FAM149B1: variants seen among roughly 807,000 people sequenced by gnomAD.
FAM149B1 encodes the protein primary cilium assembly protein FAM149B1.
Under a neutral mutation model 75.3 loss-of-function variants are expected in FAM149B1, and 56 were observed. That is an observed-to-expected ratio of 0.74 (90% confidence interval 0.60 to 0.93). FAM149B1 has a LOEUF of 0.93. FAM149B1 is among the 40% of genes least tolerant of loss of function. FAM149B1 has a pLI of 0.00. For synonymous variants in FAM149B1, 259 were observed against 256.1 expected (o/e 1.01, Z -0.11); for missense variants, 639 against 708.4 (o/e 0.90, Z 1.11).
In FAM149B1 at chr10:73,174,723, C is replaced by T; in HGVS notation, c.84C>T (p.Pro28=). 6.4e-7 allele frequency: 1 copy of T among 1,551,216 alleles called. No individual in the cohort carries two copies. Among genetic ancestry groups the T allele is most frequent in the Non-Finnish European group, 8.7e-7 (1 of 1,146,692 alleles). ...CAAAACATGCTCTTAACCATCATCC[C>T]CCTCCAGAGAAGCTGGAGGAAATTT... The part of the protein sequence containing the change: ...GITKHALNHH[P]PPEKLEEISP... The change falls in exon 2 of 14, where the codon CCC becomes CCT. Residue 28 remains proline (P), a synonymous_variant. Transcript: ENST00000242505.
Position 73,235,259 on chromosome 10 carries a change from C to T in FAM149B1, c.1543C>T (p.Gln515Ter). Residue 515 changes from glutamine (Q) to a stop codon, truncating the protein, a stop_gained, in exon 12 of 14, where the codon CAA (glutamine) becomes TAA (stop). Coordinates refer to ENST00000242505, the MANE Select transcript of FAM149B1 (RefSeq NM_173348.2). LOFTEE classifies it high-confidence loss of function. Reference protein sequence around the residue: ...VVDEPNYQQPQERLLLPDFFP... With the variant: ...VVDEPNYQQP ...GGATGAACCTAACTATCAGCAGCCA[C>T]AAGAAAGGCTCCTTTTGCCCGACTT... 1 of 1,552,036 alleles carries T rather than the reference C, an allele frequency of 6.4e-7. No individual in the cohort carries two copies. Among genetic ancestry groups the T allele is most frequent in the Non-Finnish European group, 8.7e-7 (1 of 1,147,050 alleles).
rs537623613 is a variant in FAM149B1 at position 73,211,421 on chromosome 10, T to C, written c.898+983T>C. On this transcript the variant is annotated intron_variant, in intron 7 of 13. Coordinates refer to ENST00000242505, the MANE Select transcript of FAM149B1 (RefSeq NM_173348.2). ...AAAAAAAACACCACTTTGGGTATTA[T>C]AAGAGTTTTAGGAGCTATGTGCCTC... Among the ~76,000 whole-genome samples the C allele has an allele frequency of 2.0e-5, 3 of 152,336 alleles. No homozygotes were observed. The East Asian group carries it at 5.8e-4, about 29-fold the overall frequency.
Position 73,168,173 on chromosome 10 carries a change from C to G in FAM149B1, c.-167C>G, listed in dbSNP as rs1377688094. ...TCGGAGGACTGGAGAGGTGGGGACC[C>G]TGGGGAGGTGGCTGCTCGGAGTCTA... On this transcript the variant is annotated 5_prime_UTR_variant, in exon 1 of 14. Coordinates refer to ENST00000242505, the MANE Select transcript of FAM149B1 (RefSeq NM_173348.2). 2.9e-6 allele frequency: 2 copies of G among 686,218 alleles called. No individual in the cohort carries two copies. Among genetic ancestry groups the G allele is most frequent in the South Asian group, 4.0e-5 (2 of 50,368 alleles). 42.5% of individuals were successfully genotyped at this position (686,218 alleles called of 1,614,324 possible). A position where few individuals can be genotyped will look rare whatever the true frequency, so the allele number is the denominator to read the frequency against.
chr10:73,194,555 G>A (rs966872673), intron 5 of FAM149B1, among the ~76,000 whole-genome samples: 3 of 151,956 alleles, frequency 2.0e-5, no homozygotes, highest in Non-Finnish European at 4.4e-5. Flanking sequence ...ACCATGCCCG[G>A]GATTTCACCA....
Position 73,174,720 on chromosome 10 carries a change from T to C in FAM149B1, c.81T>C (p.His27=). The change falls in exon 2 of 14, where the codon CAT becomes CAC. Residue 27 remains histidine (H), a synonymous_variant. Coordinates refer to ENST00000242505, the MANE Select transcript of FAM149B1 (RefSeq NM_173348.2). The part of the protein sequence containing the change: ...KGITKHALNH[H]PPPEKLEEIS... ...TAACAAAACATGCTCTTAACCATCA[T>C]CCCCCTCCAGAGAAGCTGGAGGAAA... 6.4e-7 allele frequency: 1 copy of C among 1,551,030 alleles called. No homozygotes were observed. Among genetic ancestry groups the C allele is most frequent in the Non-Finnish European group, 8.7e-7 (1 of 1,146,570 alleles).
chr10:73,241,305 G>A lies in FAM149B1; in HGVS notation c.*286G>A, dbSNP rs2043947028. On this transcript the variant is annotated 3_prime_UTR_variant, in exon 14 of 14. Coordinates refer to ENST00000242505, the MANE Select transcript of FAM149B1 (RefSeq NM_173348.2). ...AACAGTGAATAATACCCAAATCACT[G>A]CTCATGTTATCTCTTAACAATGATC... The A allele has an allele frequency of 2.6e-6, 1 of 390,466 alleles. No homozygotes were observed. The highest frequency in any genetic ancestry group is 3.7e-5 in the Admixed American group (1 of 27,032). The allele number at this position is 390,466 out of a possible 1,614,324, so 24.2% of individuals were successfully genotyped here. A position where few individuals can be genotyped will look rare whatever the true frequency, so the allele number is the denominator to read the frequency against.
intron 12 of FAM149B1, chr10:73,239,076 C>A (rs956219760): frequency 7.0e-6 from 3 of 428,876 alleles, no homozygotes; most frequent in African/African-American, 2.0e-5. Flanking sequence ...ATTTCCTTAA[C>A]GGCATAGTAA....
chr10:73,240,517 C>A (rs958764501), intron 13 of FAM149B1, among the ~76,000 whole-genome samples: 1 of 152,090 alleles, frequency 6.6e-6, no homozygotes, highest in Non-Finnish European at 1.5e-5. Context: ...TTGAGACCAT[C>A]CTGGCTAACA....
intron 3 of FAM149B1, among the ~76,000 whole-genome samples, chr10:73,179,865 G>T (rs565475093): frequency 6.6e-6 from 1 of 151,466 alleles, no homozygotes; most frequent in Non-Finnish European, 1.5e-5. Flanking sequence ...ACTCCACACT[G>T]GTCAATCTGA....
intron 5 of FAM149B1, among the ~76,000 whole-genome samples, chr10:73,205,970 C>G (rs2043045141): frequency 6.6e-6 from 1 of 152,170 alleles, no homozygotes; most frequent in Non-Finnish European, 1.5e-5. Flanking sequence ...GGGTAATGGG[C>G]AGATGTTGAA....
In FAM149B1 at chr10:73,236,468, T is replaced by C. The variant is rs138649568; in HGVS notation, c.1602+1150T>C. Among the ~76,000 whole-genome samples, 935 of 149,930 alleles carry C rather than the reference T, an allele frequency of 6.2e-3. 12 individuals are homozygous for C. The highest frequency in any genetic ancestry group is 0.022 in the African/African-American group (887 of 40,588). On this transcript the variant is annotated intron_variant, in intron 12 of 13. Coordinates refer to ENST00000242505, the MANE Select transcript of FAM149B1 (RefSeq NM_173348.2). Reference sequence around the variant, plus strand: ...TCGCTCTGTCACCTAGGGTGGAGTGTAATGGCGCAATCTCAGCTCACTGCA... The same window carrying C: ...TCGCTCTGTCACCTAGGGTGGAGTGCAATGGCGCAATCTCAGCTCACTGCA...
chr10:73,194,276 T>C (rs1045603856), intron 5 of FAM149B1, among the ~76,000 whole-genome samples: 14 of 152,268 alleles, frequency 9.2e-5, no homozygotes, highest in Admixed American at 9.2e-4. Context: ...TCCAAAAATA[T>C]GGACACTTCC....
At chr10:73,199,237 A>T (rs201040216) in intron 5 of FAM149B1, among the ~76,000 whole-genome samples, 3 of 110,582 alleles carry the variant, frequency 2.7e-5, no homozygotes, top group Admixed American at 9.4e-5. Context: ...GTTGTTGTTG[A>T]GATGGAGTCT....
At chr10:73,210,180 A>T in intron 6 of FAM149B1, 71 bp from the exon 7 acceptor site, 1 of 1,076,352 alleles carries the variant, frequency 9.3e-7, no homozygotes, top group Non-Finnish European at 1.3e-6. Flanking sequence ...TTCAGGTAAT[A>T]CACAGACAAT....
Position 73,203,606 on chromosome 10 carries a change from T to C in FAM149B1, c.543-5013T>C, listed in dbSNP as rs568520749. On this transcript the variant is annotated intron_variant, in intron 5 of 13. Transcript: ENST00000242505. ...CTATTTTGAAACAGTTGGGCTAGTTTCTATTTTTGGCAATTATAAACAATT... is the reference window on the plus strand; with the variant it reads ...CTATTTTGAAACAGTTGGGCTAGTTCCTATTTTTGGCAATTATAAACAATT... Among the ~76,000 whole-genome samples, 123 of 152,222 alleles carry C rather than the reference T, an allele frequency of 8.1e-4. 1 individual carries two copies. In the South Asian group the frequency reaches 0.015, roughly 19 times the overall value.
intron 5 of FAM149B1, among the ~76,000 whole-genome samples, chr10:73,195,142 A>T (rs768454994): frequency 6.6e-6 from 1 of 152,224 alleles, no homozygotes. Context: ...AATTATTCCT[A>T]TACTTTTTCC....
At chr10:73,195,926 CTA>C (rs1186158625) in intron 5 of FAM149B1, among the ~76,000 whole-genome samples, 1 of 152,154 alleles carries the variant, frequency 6.6e-6, no homozygotes, top group Non-Finnish European at 1.5e-5. Context: ...TAAACAAAAT[CTA>C]TGATATTTAC....
At chr10:73,178,058 A>G in intron 3 of FAM149B1, 83 bp downstream of exon 3, 2 of 1,295,728 alleles carry the variant, frequency 1.5e-6, no homozygotes, top group Middle Eastern at 1.9e-4. Context: ...TCATTCCTTC[A>G]CTCTCCTGCA....
At chr10:73,170,176 G>A (rs996522236) in intron 1 of FAM149B1, among the ~76,000 whole-genome samples, 1 of 152,046 alleles carries the variant, frequency 6.6e-6, no homozygotes, top group Non-Finnish European at 1.5e-5. Context: ...CTGAGCCTTC[G>A]TTTCTGCAAT....
Sources: gnomAD v4.1 joint callset for allele counts (sites outside exome capture counted in the v4.1 genomes callset) on GRCh38, gnomAD v4.1.1 for gene constraint, MANE v1.5 for transcripts, NCBI Gene and HGNC (gene_info 2026-07-23, HGNC 2026-07-21) for gene names.